USP3: variants seen among roughly 807,000 people sequenced by gnomAD.
USP3 encodes ubiquitin specific peptidase 3, also known as ubiquitin carboxyl-terminal hydrolase 3.
In USP3, 20 loss-of-function variants were observed where a neutral mutation model predicts 72.3. That is an observed-to-expected ratio of 0.28 (90% CI 0.19 to 0.40). The LOEUF (loss-of-function observed/expected upper bound fraction) is 0.40, where lower values mean the gene tolerates loss of function less well. Ranked by LOEUF, USP3 falls within the 10% of genes least tolerant of loss-of-function variation. The pLI is 1.00. For missense variants in USP3, 479 were observed against 633.9 expected (o/e 0.76, Z 2.62); for synonymous variants, 222 against 225.3 (o/e 0.99, Z 0.13).
At chr15:63,565,149 C>A (rs961887134) in intron 8 of USP3, among the ~76,000 whole-genome samples, 2 of 152,120 alleles carry the variant, frequency 1.3e-5, no homozygotes, top group African/African-American at 2.4e-5. Flanking sequence ...TATGAGGACT[C>A]TGAAATACAA....
rs1303748763 is a variant in USP3, at chr15:63,593,128, T to TAA, written c.*2303_*2304insAA. 3.3e-5 allele frequency: 5 copies of TAA among 152,324 alleles called. No homozygotes were observed. The highest frequency in any genetic ancestry group is 2.1e-4 in the South Asian group (1 of 4,828). 9.4% of individuals were successfully genotyped at this position (152,324 alleles called of 1,614,324 possible). ...AAACTTTGCCATCATGTTTAGGTCT[T>TAA]ACAACTTTGAGTCCTAAAAGATAAT... On this transcript the variant is annotated 3_prime_UTR_variant, in exon 15 of 15. Coordinates refer to ENST00000380324, the MANE Select transcript of USP3 (RefSeq NM_006537.4).
chr15:63,545,209 A>G (rs2066302393), intron 3 of USP3, among the ~76,000 whole-genome samples: 1 of 152,202 alleles, frequency 6.6e-6, no homozygotes, highest in South Asian at 2.1e-4. Flanking sequence ...CTCCTTAATT[A>G]TATAATAGAA....
intron 1 of USP3, among the ~76,000 whole-genome samples, chr15:63,506,685 A>G (rs2065717804): frequency 6.6e-6 from 1 of 152,222 alleles, no homozygotes; most frequent in African/African-American, 2.4e-5. Context: ...TTAATAAGTT[A>G]AAATGGAGCA....
chr15:63,564,924 G>C (rs541369793), intron 8 of USP3, among the ~76,000 whole-genome samples: 1 of 152,214 alleles, frequency 6.6e-6, no homozygotes, highest in Non-Finnish European at 1.5e-5. Context: ...ACAATGCCCA[G>C]GTGTGAGGCA....
At chr15:63,551,242 T>C (rs1312191377) in intron 3 of USP3, 3 of 152,172 alleles carry the variant, frequency 2.0e-5, no homozygotes, top group Non-Finnish European at 4.4e-5. Flanking sequence ...TTTTTAACTT[T>C]GCTCTGCTGC....
intron 1 of USP3, among the ~76,000 whole-genome samples, chr15:63,513,552 A>T (rs1456579150): frequency 6.6e-6 from 1 of 151,772 alleles, no homozygotes; most frequent in Non-Finnish European, 1.5e-5. Flanking sequence ...GCTAATTTTT[A>T]AATTTTTTTG....
chr15:63,581,102 GGCT>G (rs1595770796), intron 11 of USP3, among the ~76,000 whole-genome samples: 2 of 152,032 alleles, frequency 1.3e-5, no homozygotes, highest in Non-Finnish European at 1.5e-5. Context: ...CACCGTGCCT[GGCT>G]GCTAATAGAC....
rs997419065 is a variant in USP3 at position 63,585,821 on chromosome 15, T to C, written c.1097-2484T>C. Among the ~76,000 whole-genome samples the C allele has an allele frequency of 1.1e-4, 16 of 140,916 alleles. 1 individual carries two copies. Among genetic ancestry groups the C allele is most frequent in the African/African-American group, 4.2e-4 (16 of 37,954 alleles). 92.4% of individuals were successfully genotyped at this position (140,916 alleles called of 152,430 possible). A position where few individuals can be genotyped will look rare whatever the true frequency, so the allele number is the denominator to read the frequency against. On this transcript the variant is annotated intron_variant, in intron 11 of 14. Transcript: ENST00000380324. Reference sequence around the variant, plus strand: ...TAGAATTTTTTTTTTTTTTTTGGCATGTGAATGTCTTTCAATTTTGTTCTT... The same window carrying C: ...TAGAATTTTTTTTTTTTTTTTGGCACGTGAATGTCTTTCAATTTTGTTCTT...
chr15:63,504,852 C>A, intron 1 of USP3, 22 bp downstream of exon 1: 1 of 1,563,890 alleles, frequency 6.4e-7, no homozygotes, highest in African/African-American at 1.4e-5. Context: ...CACGGGCCGG[C>A]CCCGCAGCGC....
At chr15:63,586,162 T>G (rs2067056864) in intron 11 of USP3, among the ~76,000 whole-genome samples, 1 of 152,234 alleles carries the variant, frequency 6.6e-6, no homozygotes, top group African/African-American at 2.4e-5. Context: ...CCTTTTCATT[T>G]TGGATGCTTT....
At chr15:63,543,921 A>G (rs2152665104) in intron 3 of USP3, among the ~76,000 whole-genome samples, 1 of 152,042 alleles carries the variant, frequency 6.6e-6, no homozygotes, top group East Asian at 1.9e-4. Flanking sequence ...GTACTTTGAG[A>G]AATTATGGCC....
At chr15:63,589,881 T>C (rs2067154546) in intron 14 of USP3, among the ~76,000 whole-genome samples, 2 of 148,454 alleles carry the variant, frequency 1.3e-5, no homozygotes, top group Non-Finnish European at 2.9e-5. Flanking sequence ...AGCTCCTCCA[T>C]AAAATATTTA....
chr15:63,508,437 A>G (rs1040341112), intron 1 of USP3, among the ~76,000 whole-genome samples: 2 of 152,168 alleles, frequency 1.3e-5, no homozygotes, highest in Non-Finnish European at 2.9e-5. Context: ...GAGAGACAGG[A>G]AGCTAACTAG....
At chr15:63,578,121 C>G (rs1402499648) in intron 11 of USP3, among the ~76,000 whole-genome samples, 1 of 151,492 alleles carries the variant, frequency 6.6e-6, no homozygotes, top group African/African-American at 2.4e-5. Flanking sequence ...ACTAAAAATA[C>G]AAAAATTAGC....
intron 1 of USP3, among the ~76,000 whole-genome samples, chr15:63,512,382 C>T (rs2065800967): frequency 6.7e-6 from 1 of 148,618 alleles, no homozygotes; most frequent in African/African-American, 2.5e-5. Context: ...TTTCTTCTTT[C>T]TTTTTCTTCT....
At chr15:63,581,956 T>C (rs2066971758) in intron 11 of USP3, among the ~76,000 whole-genome samples, 1 of 152,234 alleles carries the variant, frequency 6.6e-6, no homozygotes, top group Non-Finnish European at 1.5e-5. Context: ...AGTGCTGGGA[T>C]TACAGGCGTG....
chr15:63,576,582 A>T (rs1291829940), intron 11 of USP3, among the ~76,000 whole-genome samples: 1 of 152,194 alleles, frequency 6.6e-6, no homozygotes, highest in Non-Finnish European at 1.5e-5. Flanking sequence ...AAACAAGAAA[A>T]GTGGCAAGTG....
At chr15:63,584,952 A>C (rs1595775959) in intron 11 of USP3, among the ~76,000 whole-genome samples, 2 of 152,174 alleles carry the variant, frequency 1.3e-5, no homozygotes, top group African/African-American at 4.8e-5. Flanking sequence ...AGTCCAACTT[A>C]ATTCTTCTGC....
rs192107222 is a variant in USP3 at position 63,566,612 on chromosome 15, C to T, written c.761+3604C>T. Among the ~76,000 whole-genome samples, 72 of 152,172 alleles carry T rather than the reference C, an allele frequency of 4.7e-4. 1 individual carries two copies. Among genetic ancestry groups the T allele is most frequent in the Admixed American group, 3.7e-3 (57 of 15,296 alleles). On this transcript the variant is annotated intron_variant, in intron 8 of 14. Coordinates refer to ENST00000380324, the MANE Select transcript of USP3 (RefSeq NM_006537.4). ...ACAGTTGTGACCCACCGTGCCTGGC[C>T]ACGTGTGATACTTTAATTAAAGTTT... is the stretch of plus-strand genomic sequence containing the variant.
Sources: allele counts gnomAD v4.1 joint callset (sites outside exome capture counted in the v4.1 genomes callset), GRCh38; gene constraint gnomAD v4.1.1; transcripts MANE v1.5; gene names NCBI Gene and HGNC (gene_info 2026-07-23, HGNC 2026-07-21).